Variants in HERC3 observed in about 807,000 individuals in gnomAD.
HERC3 encodes the protein probable E3 ubiquitin-protein ligase HERC3.
Under a neutral mutation model 129.9 loss-of-function variants are expected in HERC3, and 58 were observed. The ratio of observed to expected loss-of-function variants is 0.45; its 90% CI spans 0.36 to 0.56. HERC3 has a LOEUF of 0.56. Among genes scored for constraint, HERC3 ranks in the 20% least tolerant of loss-of-function variants. The probability of loss-of-function intolerance (pLI) is 0.00; values close to 1 mark genes in which losing one functional copy is unlikely to be tolerated. For missense variants in HERC3, 835 were observed against 1,244.2 expected (o/e 0.67, Z 4.95); for synonymous variants, 430 against 451.0 (o/e 0.95, Z 0.59).
At chr4:88,578,941 T>C in the HERC3 span, among the ~76,000 whole-genome samples, 1 of 152,050 alleles carries the variant, frequency 6.6e-6, no homozygotes, top group South Asian at 2.1e-4. Flanking sequence ...GTAGAAACAT[T>C]GTGACTGGGA....
intron 2 of HERC3, among the ~76,000 whole-genome samples, chr4:88,600,955 G>A (rs1045553096): frequency 3.3e-5 from 5 of 152,094 alleles, no homozygotes; most frequent in Admixed American, 1.3e-4. Flanking sequence ...GAGCAAGTTG[G>A]GAAAAATAAA....
chr4:88,597,303 C>G (rs1722505469), intron 2 of HERC3, among the ~76,000 whole-genome samples: 1 of 152,218 alleles, frequency 6.6e-6, no homozygotes, highest in African/African-American at 2.4e-5. Context: ...TACCTACTGG[C>G]TACCATAGTG....
chr4:88,644,513 G>C (rs1338145097), intron 3 of HERC3, among the ~76,000 whole-genome samples: 1 of 152,142 alleles, frequency 6.6e-6, no homozygotes, highest in Non-Finnish European at 1.5e-5. Context: ...CAAAGAGTTA[G>C]ACACTATATG....
Position 88,704,612 on chromosome 4 carries a change from T to A in HERC3, c.2944+2T>A. 6.7e-7 allele frequency: 1 copy of A among 1,502,796 alleles called. No individual in the cohort carries two copies. The highest frequency in any genetic ancestry group is 2.3e-5 in the East Asian group (1 of 44,312). The allele number at this position is 1,502,796 out of a possible 1,614,324, so 93.1% of individuals were successfully genotyped here. On this transcript the variant is annotated splice_donor_variant, in intron 25 of 25. Coordinates refer to ENST00000402738, the MANE Select transcript of HERC3 (RefSeq NM_014606.3). LOFTEE classifies it high-confidence loss of function. The stretch of plus-strand genomic sequence containing the variant: ...TGGAAAAGAAGAAGAAGTTTCTCTG[T>A]AAGTATCAGTAATCTCAATATGGTA...
chr4:88,660,240 C>A (rs115009978), intron 10 of HERC3, among the ~76,000 whole-genome samples: 2 of 151,040 alleles, frequency 1.3e-5, no homozygotes, highest in African/African-American at 4.9e-5. Flanking sequence ...CTTGCTTTGT[C>A]GCCCAGGCTG....
chr4:88,689,577 A>C (rs1578325500), intron 23 of HERC3, among the ~76,000 whole-genome samples: 1 of 143,134 alleles, frequency 7.0e-6, no homozygotes, highest in Non-Finnish European at 1.5e-5. Flanking sequence ...TCCATCCTTG[A>C]CTACTTTTTT....
At chr4:88,694,035 A>G (rs913923529) in intron 23 of HERC3, among the ~76,000 whole-genome samples, 1 of 152,250 alleles carries the variant, frequency 6.6e-6, no homozygotes, top group Admixed American at 6.5e-5. Context: ...GCTTGACGTC[A>G]CAAACATCCC....
intron 23 of HERC3, among the ~76,000 whole-genome samples, chr4:88,694,900 T>C (rs1012146552): frequency 6.6e-6 from 1 of 152,208 alleles, no homozygotes; most frequent in African/African-American, 2.4e-5. Context: ...TTTTTGTGTA[T>C]TTATCTGATA....
chr4:88,583,399 C>T, the HERC3 span, among the ~76,000 whole-genome samples: 1 of 151,254 alleles, frequency 6.6e-6, no homozygotes, highest in African/African-American at 2.4e-5. Flanking sequence ...TCACACCACA[C>T]CACTGCACTC....
the HERC3 span, among the ~76,000 whole-genome samples, chr4:88,578,653 T>G: frequency 1.3e-5 from 2 of 151,908 alleles, no homozygotes; most frequent in Non-Finnish European, 2.9e-5. Context: ...GGTCATATAT[T>G]AAAGAAGGCA....
the HERC3 span, among the ~76,000 whole-genome samples, chr4:88,548,275 C>T: frequency 2.6e-5 from 4 of 152,196 alleles, no homozygotes; most frequent in Non-Finnish European, 5.9e-5. Context: ...AATTTCCAGA[C>T]TGTTTTCCAA....
intron 9 of HERC3, chr4:88,657,466 A>G (rs1206542885): frequency 6.6e-6 from 1 of 152,190 alleles, no homozygotes; most frequent in African/African-American, 2.4e-5. Context: ...GTAATTTGTA[A>G]ATTCTTTTCT....
At chr4:88,658,896 G>A (rs1464877463) in intron 10 of HERC3, among the ~76,000 whole-genome samples, 1 of 152,082 alleles carries the variant, frequency 6.6e-6, no homozygotes, top group Non-Finnish European at 1.5e-5. Flanking sequence ...GTATATATAT[G>A]TATGTAAGAG....
the HERC3 span, among the ~76,000 whole-genome samples, chr4:88,536,652 A>C: frequency 1.3e-5 from 2 of 152,232 alleles, no homozygotes; most frequent in African/African-American, 4.8e-5. Context: ...AAATGAATGT[A>C]ATATGTCTAG....
the HERC3 span, among the ~76,000 whole-genome samples, chr4:88,580,758 T>C: frequency 6.6e-6 from 1 of 152,190 alleles, no homozygotes. Flanking sequence ...TTCTCTTCTA[T>C]GAGAGAATGG....
chr4:88,533,121 T>G, the HERC3 span, among the ~76,000 whole-genome samples: 755 of 152,324 alleles, frequency 5.0e-3, 11 homozygotes, highest in South Asian at 0.033. Flanking sequence ...TCCACTGATG[T>G]ATGTCCAAGA....
At chr4:88,692,825 C>T (rs759233498) in intron 23 of HERC3, 1 of 891,554 alleles carries the variant, frequency 1.1e-6, no homozygotes, top group African/African-American at 1.8e-5. Context: ...TTAGACTGCG[C>T]TCCATGGGTA....
At chr4:88,569,243 C>A in the HERC3 span, among the ~76,000 whole-genome samples, 1 of 152,182 alleles carries the variant, frequency 6.6e-6, no homozygotes, top group South Asian at 2.1e-4. Flanking sequence ...CTGTGATAGG[C>A]AGCACTGAGT....
chr4:88,560,462 G>T, the HERC3 span, among the ~76,000 whole-genome samples: 1 of 151,832 alleles, frequency 6.6e-6, no homozygotes, highest in Non-Finnish European at 1.5e-5. Flanking sequence ...AGTTGTATAG[G>T]TTCTTTATAA....
Sources: gnomAD v4.1 joint callset for allele counts (sites outside exome capture counted in the v4.1 genomes callset) on GRCh38, gnomAD v4.1.1 for gene constraint, MANE v1.5 for transcripts, NCBI Gene and HGNC (gene_info 2026-07-23, HGNC 2026-07-21) for gene names.